The following DMBT1 variants were observed in gnomAD, a reference collection of about 807,000 sequenced individuals.
DMBT1 encodes the protein scavenger receptor cysteine-rich domain-containing protein DMBT1.
A neutral mutation model predicts 252.9 loss-of-function variants in DMBT1; 198 were observed. The ratio of observed to expected loss-of-function variants is 0.78; its 90% confidence interval spans 0.70 to 0.88. The LOEUF (loss-of-function observed/expected upper bound fraction) is 0.88, where lower values mean the gene tolerates loss of function less well. Ranked by LOEUF, DMBT1 falls within the 40% of genes least tolerant of loss-of-function variation. The pLI, the probability that DMBT1 is intolerant of heterozygous loss-of-function variation, is 0.00. For missense variants in DMBT1, 2,432 were observed against 2,404.7 expected (o/e 1.01, Z -0.24); for synonymous variants, 990 against 942.7 (o/e 1.05, Z -0.92).
At chr10:122,564,296 G>T (rs2133499532) in intron 1 of DMBT1, among the ~76,000 whole-genome samples, 1 of 152,206 alleles carries the variant, frequency 6.6e-6, no homozygotes, top group East Asian at 1.9e-4. Context: ...CTGCTCTCAG[G>T]ACCCACATTT....
intron 6 of DMBT1, among the ~76,000 whole-genome samples, chr10:122,574,152 G>A (rs1418232436): frequency 2.6e-5 from 4 of 152,194 alleles, no homozygotes; most frequent in Non-Finnish European, 4.4e-5. Flanking sequence ...CAAATTGCTA[G>A]GACAGCATCC....
rs772991435 is a variant in DMBT1, at chr10:122,580,833, T to A, written c.1004-33T>A. 3.1e-6 allele frequency: 5 copies of A among 1,613,804 alleles called. No individual in the cohort carries two copies. In the South Asian group the frequency reaches 5.5e-5, roughly 18 times the overall value. On this transcript the variant is annotated intron_variant, in intron 10 of 55. Coordinates refer to ENST00000338354, the MANE Select transcript of DMBT1 (RefSeq NM_001377530.1). Reference sequence around the variant, plus strand: ...AGTTTTGCCGACTTCTGTGTAATGTTCCTGATCTGACCTTCTCTTCTCTTT... The same window carrying A: ...AGTTTTGCCGACTTCTGTGTAATGTACCTGATCTGACCTTCTCTTCTCTTT...
In DMBT1 at chr10:122,639,933, G is replaced by A. The variant is rs969319705; in HGVS notation, c.6943-107G>A. 27 of 1,345,216 alleles carry A rather than the reference G, an allele frequency of 2.0e-5. No homozygotes were observed. The African/African-American group carries it at 3.6e-4, about 18-fold the overall frequency. 83.3% of individuals were successfully genotyped at this position (1,345,216 alleles called of 1,614,324 possible). ...ATCTCTGAGTGGTTCTGGGAGGGGT[G>A]GAAGTCTTGTTGAGTCACGTCCCTC... On this transcript the variant is annotated intron_variant, in intron 54 of 55. Transcript: ENST00000338354.
chr10:122,569,694 C>T (rs560984120), intron 2 of DMBT1, among the ~76,000 whole-genome samples: 1 of 152,342 alleles, frequency 6.6e-6, no homozygotes, highest in African/African-American at 2.4e-5. Context: ...ACATGGTCCT[C>T]CATGCAGCCA....
intron 53 of DMBT1, 110 bp downstream of exon 53, chr10:122,636,309 C>T (rs575942158): frequency 2.9e-6 from 3 of 1,022,064 alleles, no homozygotes; most frequent in South Asian, 3.1e-5. Context: ...CCTTTCAGGT[C>T]ACCAGGGCTT....
chr10:122,641,808 C>G (rs77906299), intron 55 of DMBT1, among the ~76,000 whole-genome samples: 5,927 of 152,146 alleles, frequency 0.039, 165 homozygotes, highest in South Asian at 0.13. Flanking sequence ...CTGGCTATAC[C>G]TGGAGCACAG....
Position 122,640,251 on chromosome 10 carries a change from A to T in DMBT1, c.7154A>T (p.Asn2385Ile). 1.2e-6 allele frequency: 2 copies of T among 1,614,046 alleles called. No individual in the cohort carries two copies. Among genetic ancestry groups the T allele is most frequent in the South Asian group, 1.1e-5 (1 of 91,090 alleles). Residue 2385 changes from asparagine to isoleucine, a missense_variant, in exon 55 of 56, where the codon AAC (asparagine) becomes ATC (isoleucine). By Grantham distance (149) the Asn-to-Ile change is moderately radical. Around this residue, in one of 3 missense-constraint regions of DMBT1, gnomAD observed 1,162 missense variants for 1,169.0 expected, o/e 0.99. Transcript: ENST00000338354. ...EEVQYGNFDV[N>I]ISFYTSSSFL... Reference sequence around the variant, plus strand: ...GTCCAGTATGGCAATTTTGACGTGAACATTTCCTTTTATACTTCCTCATCT... The same window carrying T: ...GTCCAGTATGGCAATTTTGACGTGATCATTTCCTTTTATACTTCCTCATCT...
rs145655876 is a variant in DMBT1, at chr10:122,627,665, G to A, written c.5668+1700G>A. Among the ~76,000 whole-genome samples the A allele has an allele frequency of 3.9e-3, 596 of 152,148 alleles. 5 individuals carry two copies. The highest frequency in any genetic ancestry group is 0.014 in the African/African-American group (566 of 41,484). On this transcript the variant is annotated intron_variant, in intron 46 of 55. Transcript: ENST00000338354. ...TTTAATGATTAGAAATATGTAACTC[G>A]TATCCTTGTCTCTGAAAGTTTGACT...
intron 4 of DMBT1, among the ~76,000 whole-genome samples, chr10:122,571,620 A>T (rs1176608155): frequency 1.3e-5 from 2 of 152,222 alleles, no homozygotes; most frequent in African/African-American, 2.4e-5. Context: ...TAGTGCCAGG[A>T]TGTGTGCAGA....
intron 40 of DMBT1, among the ~76,000 whole-genome samples, chr10:122,617,513 C>G (rs893080411): frequency 1.3e-5 from 2 of 151,616 alleles, no homozygotes; most frequent in East Asian, 4.0e-4. Context: ...TCAGGACGAG[C>G]ACTGGAAGGC....
intron 2 of DMBT1, among the ~76,000 whole-genome samples, chr10:122,568,234 C>T (rs2981777): frequency 0.67 from 101,908 of 151,930 alleles, 34,543 homozygotes; most frequent in East Asian, 0.77. Context: ...TTAATTCAAA[C>T]GGAGGGAAGA....
intron 48 of DMBT1, 53 bp downstream of exon 48, chr10:122,630,543 C>T: frequency 3.2e-6 from 5 of 1,567,476 alleles, no homozygotes; most frequent in Non-Finnish European, 4.4e-6. Flanking sequence ...ACCCAGCTGC[C>T]TCTTTGGGGG....
rs540712688 is a variant in DMBT1, at chr10:122,600,973, C to CT, written c.3311-15dup. 428 of 788,784 alleles carry CT rather than the reference C, an allele frequency of 5.4e-4. 1 individual carries two copies. In the African/African-American group the frequency reaches 6.1e-3, roughly 11 times the overall value. 48.9% of individuals were successfully genotyped at this position (788,784 alleles called of 1,614,324 possible). The stretch of plus-strand genomic sequence containing the variant: ...CCTTCAAGTCTAATTCTGTCTTTTC[C>CT]TTTGTTGCAATTTACAGACACTTGG... On this transcript the variant is annotated splice_polypyrimidine_tract_variant and intron_variant, in intron 27 of 55. Transcript: ENST00000338354.
At position 122,631,873 on chromosome 10, in the gene DMBT1, C is replaced by G; in HGVS notation, c.6365C>G (p.Pro2122Arg). The G allele has an allele frequency of 6.2e-7, 1 of 1,613,910 alleles. No individual in the cohort carries two copies. The highest frequency in any genetic ancestry group is 1.1e-5 in the South Asian group (1 of 91,066). Reference protein sequence around the residue: ...VICSGNHLSTPAPFLNITRPN... With the variant: ...VICSGNHLSTRAPFLNITRPN... The stretch of plus-strand genomic sequence containing the variant: ...TTTTCAGGAAACCATCTATCGACAC[C>G]TGGTAAGTCCCTCCGATTTCCATTC... The change falls in exon 50 of 56, where the codon CCT (proline) becomes CGT (arginine). Residue 2122 changes from proline to arginine, a missense_variant and splice_region_variant. By Grantham distance (103) the Pro-to-Arg change is moderately radical (BLOSUM62 -2). Coordinates refer to ENST00000338354, the MANE Select transcript of DMBT1 (RefSeq NM_001377530.1).
chr10:122,571,821 G>A (rs905259132), intron 4 of DMBT1, among the ~76,000 whole-genome samples: 1 of 152,190 alleles, frequency 6.6e-6, no homozygotes, highest in Non-Finnish European at 1.5e-5. Context: ...AAGTGGAACT[G>A]GGCTCCCCAA....
rs1220067588 is a variant in DMBT1, at chr10:122,598,768, C to T, written c.2957-6C>T. 34 of 1,612,794 alleles carry T rather than the reference C, an allele frequency of 2.1e-5. No individual in the cohort carries two copies. Among genetic ancestry groups the T allele is most frequent in the Non-Finnish European group, 2.9e-5 (34 of 1,179,748 alleles). Reference sequence around the variant, plus strand: ...ATGGATGAAGGATTCTTGTGTTCCCCTGTAGGATCTGAATCCAGTTTGGCC... The same window carrying T: ...ATGGATGAAGGATTCTTGTGTTCCCTTGTAGGATCTGAATCCAGTTTGGCC... On this transcript the variant is annotated splice_polypyrimidine_tract_variant and splice_region_variant and intron_variant, in intron 25 of 55. Coordinates refer to ENST00000338354, the MANE Select transcript of DMBT1 (RefSeq NM_001377530.1).
intron 10 of DMBT1, among the ~76,000 whole-genome samples, 174 bp from the exon 11 acceptor site, chr10:122,580,692 C>T (rs904139771): frequency 7.2e-5 from 11 of 152,020 alleles, no homozygotes; most frequent in Non-Finnish European, 1.2e-4. Flanking sequence ...GGATCTGCCT[C>T]GACCCCTTAC....
rs781055585 is a variant in DMBT1, at chr10:122,599,058, A to G, written c.3241A>G (p.Asn1081Asp). 6.2e-6 allele frequency: 10 copies of G among 1,613,792 alleles called. No homozygotes were observed. In the East Asian group the frequency reaches 2.2e-4, roughly 36 times the overall value. ...SCPHNGWLSH[N>D]CGHSEDAGVI... ...CCCCCACAATGGCTGGCTCTCCCAC[A>G]ACTGTGGCCATAGTGAAGACGCTGG... Residue 1081 changes from asparagine to aspartate, a missense_variant, in exon 26 of 56, where the codon AAC becomes GAC. Asn to Asp is a conservative substitution (Grantham distance 23, BLOSUM62 1). Around this residue, in one of 3 missense-constraint regions of DMBT1, gnomAD observed 1,264 missense variants for 1,082.2 expected, o/e 1.17. Coordinates refer to ENST00000338354, the MANE Select transcript of DMBT1 (RefSeq NM_001377530.1).
rs901073319 is a variant in DMBT1, at chr10:122,593,455, T to G, written c.2501-114T>G. The G allele has an allele frequency of 1.7e-5, 21 of 1,223,656 alleles. No homozygotes were observed. The African/African-American group carries it at 2.0e-4, about 12-fold the overall frequency. 75.8% of individuals were successfully genotyped at this position (1,223,656 alleles called of 1,614,324 possible). On this transcript the variant is annotated intron_variant, in intron 20 of 55. Transcript: ENST00000338354. ...CATGGCAATGTCCCTCCCTGTGTGA[T>G]AGGAACTAGGATGGACTGAGTGTCA...
Sources: gnomAD v4.1 joint callset for allele counts (sites outside exome capture counted in the v4.1 genomes callset) on GRCh38, gnomAD v4.1.1 for gene constraint, gnomAD v4.1.1 regional missense constraint, MANE v1.5 for transcripts, NCBI Gene and HGNC (gene_info 2026-07-23, HGNC 2026-07-21) for gene names.